GLRA2: variants seen among roughly 807,000 people sequenced by gnomAD.
GLRA2 encodes the protein glycine receptor alpha 2.
GLRA2 carries 11 observed loss-of-function variants against 31.6 expected under a neutral mutation model. That is an observed-to-expected ratio of 0.35 (90% CI 0.22 to 0.58). The LOEUF is 0.58. Among genes scored for constraint, GLRA2 ranks in the 20% least tolerant of loss-of-function variants. The pLI is 0.84. For missense variants in GLRA2, 212 were observed against 351.8 expected (o/e 0.60, Z 3.18); for synonymous variants, 132 against 134.0 (o/e 0.99, Z 0.10).
At chrX:14,449,574 C>T in the GLRA2 span, among the ~76,000 whole-genome samples, 2 of 112,247 alleles carry the variant, frequency 1.8e-5, no homozygotes, top group East Asian at 2.8e-4. Context: ...AACTAGGGTG[C>T]ACCTGATCCA....
intron 2 of GLRA2, among the ~76,000 whole-genome samples, chrX:14,569,269 C>A (rs755844101): frequency 9.0e-6 from 1 of 110,737 alleles, no homozygotes; most frequent in Admixed American, 9.6e-5. Flanking sequence ...AAGAAAAAAA[C>A]AAACAAACAA....
chrX:14,497,566 G>A, the GLRA2 span, among the ~76,000 whole-genome samples: 1 of 111,160 alleles, frequency 9.0e-6, no homozygotes, highest in African/African-American at 3.3e-5. Context: ...CCACAGCACA[G>A]TCCTTGGAGA....
the GLRA2 span, among the ~76,000 whole-genome samples, chrX:14,515,716 C>T: frequency 1.8e-5 from 2 of 111,770 alleles, no homozygotes; most frequent in Admixed American, 9.5e-5. Context: ...TTTTGAGTCA[C>T]TTGTTTCTTA....
chrX:14,554,384 C>T (rs1054656781), intron 2 of GLRA2, among the ~76,000 whole-genome samples: 14 of 111,669 alleles, frequency 1.3e-4, no homozygotes, highest in African/African-American at 4.2e-4. Context: ...TTGTGGAAGC[C>T]ACAGAGGAAC....
At chrX:14,486,631 G>A in the GLRA2 span, among the ~76,000 whole-genome samples, 1 of 111,775 alleles carries the variant, frequency 8.9e-6, no homozygotes, top group African/African-American at 3.2e-5. Context: ...GGCATACGAT[G>A]AGATGACATT....
At chrX:14,690,071 A>T (rs369316480) in intron 7 of GLRA2, among the ~76,000 whole-genome samples, 1 of 111,892 alleles carries the variant, frequency 8.9e-6, no homozygotes, top group East Asian at 2.8e-4. Context: ...CTGTGTTTTC[A>T]TGTCAGTTAG....
the GLRA2 span, among the ~76,000 whole-genome samples, chrX:14,455,457 A>G: frequency 8.9e-6 from 1 of 111,881 alleles, no homozygotes; most frequent in Non-Finnish European, 1.9e-5. Context: ...TATCTGACAC[A>G]TTTTTTTGAG....
chrX:14,499,259 C>A, the GLRA2 span, among the ~76,000 whole-genome samples: 27 of 111,892 alleles, frequency 2.4e-4, no homozygotes, highest in African/African-American at 8.4e-4. Flanking sequence ...TGTCCACATT[C>A]TCACCAGCAT....
chrX:14,562,037 A>G (rs192484670), intron 2 of GLRA2, among the ~76,000 whole-genome samples: 111 of 112,570 alleles, frequency 9.9e-4, no homozygotes, highest in African/African-American at 3.4e-3. Context: ...TGGTCTATCT[A>G]AAAAACAAAA....
At chrX:14,673,320 G>C (rs1410457591) in intron 7 of GLRA2, among the ~76,000 whole-genome samples, 2 of 111,512 alleles carry the variant, frequency 1.8e-5, no homozygotes, top group African/African-American at 6.5e-5. Context: ...TTCTAAGACT[G>C]CCTCTATTTT....
chrX:14,585,762 G>A (rs2090074320), intron 4 of GLRA2, among the ~76,000 whole-genome samples: 1 of 111,822 alleles, frequency 8.9e-6, no homozygotes, highest in South Asian at 3.7e-4. Flanking sequence ...AGGAGAAATG[G>A]GATAGAATGA....
chrX:14,565,464 A>G (rs1412181527), intron 2 of GLRA2, among the ~76,000 whole-genome samples: 1 of 110,710 alleles, frequency 9.0e-6, no homozygotes, highest in East Asian at 2.8e-4. Context: ...ATTACTGTAG[A>G]AATGTTTATT....
At chrX:14,552,397 A>G (rs2089578332) in intron 2 of GLRA2, among the ~76,000 whole-genome samples, 1 of 112,497 alleles carries the variant, frequency 8.9e-6, no homozygotes, top group Non-Finnish European at 1.9e-5. Context: ...TGTCATATGC[A>G]TGCTCTCATT....
the GLRA2 span, among the ~76,000 whole-genome samples, chrX:14,480,811 C>A: frequency 9.0e-6 from 1 of 111,483 alleles, no homozygotes; most frequent in Non-Finnish European, 1.9e-5. Context: ...CAGGTTTGCT[C>A]TTTTTGCTTA....
intron 8 of GLRA2, among the ~76,000 whole-genome samples, chrX:14,716,674 G>T (rs2091790592): frequency 9.0e-6 from 1 of 111,417 alleles, no homozygotes. Context: ...AGTTAATTTT[G>T]ACATGCTCCC....
intron 4 of GLRA2, among the ~76,000 whole-genome samples, chrX:14,599,972 T>G (rs2090249524): frequency 9.0e-6 from 1 of 111,220 alleles, no homozygotes; most frequent in Admixed American, 9.6e-5. Flanking sequence ...GCGGAACTGT[T>G]AACTCTCCTC....
At chrX:14,721,933 T>C (rs926222966) in intron 8 of GLRA2, among the ~76,000 whole-genome samples, 6 of 111,753 alleles carry the variant, frequency 5.4e-5, no homozygotes, top group African/African-American at 2.0e-4. Context: ...TGGTAAACTT[T>C]TCCCCATCCT....
the GLRA2 span, among the ~76,000 whole-genome samples, chrX:14,459,461 G>A: frequency 9.1e-6 from 1 of 110,034 alleles, no homozygotes; most frequent in African/African-American, 3.3e-5. Flanking sequence ...AATTACCTTG[G>A]GCAGTATGGC....
At chrX:14,469,120 G>T in the GLRA2 span, among the ~76,000 whole-genome samples, 2 of 111,480 alleles carry the variant, frequency 1.8e-5, no homozygotes, top group Non-Finnish European at 3.8e-5. Context: ...TAGGTTGCCT[G>T]TTCACTCTGA....
Sources: allele counts gnomAD v4.1 joint callset (sites outside exome capture counted in the v4.1 genomes callset), GRCh38; gene constraint gnomAD v4.1.1; transcripts MANE v1.5; gene names NCBI Gene and HGNC (gene_info 2026-07-23, HGNC 2026-07-21).